AGBL1: variants seen among roughly 807,000 people sequenced by gnomAD.
AGBL1 encodes AGBL carboxypeptidase 1, also known as cytosolic carboxypeptidase 4.
In AGBL1, 130 loss-of-function variants were observed where a neutral mutation model predicts 118.9. That is an observed-to-expected ratio of 1.09 (90% CI 0.95 to 1.26). The LOEUF is 1.26. Ranked by LOEUF, AGBL1 falls within the 50% of genes most tolerant of loss-of-function variation. The pLI, the probability that AGBL1 is intolerant of heterozygous loss-of-function variation, is 0.00. For missense variants in AGBL1, 1,584 were observed against 1,298.1 expected (o/e 1.22, Z -3.38); for synonymous variants, 555 against 478.9 (o/e 1.16, Z -2.08).
chr15:86,210,124 A>T (rs925842351), intron 5 of AGBL1, among the ~76,000 whole-genome samples: 20 of 152,168 alleles, frequency 1.3e-4, no homozygotes, highest in Non-Finnish European at 2.6e-4. Flanking sequence ...CTTTTCTTTA[A>T]GAATGTTGAA....
chr15:86,407,298 G>A (rs1234400779), intron 18 of AGBL1, among the ~76,000 whole-genome samples: 2 of 152,180 alleles, frequency 1.3e-5, no homozygotes, highest in Non-Finnish European at 2.9e-5. Context: ...TGTCTAATAA[G>A]TTTCAGAGTC....
chr15:86,157,333 C>T (rs1349242108), intron 4 of AGBL1, among the ~76,000 whole-genome samples: 2 of 152,182 alleles, frequency 1.3e-5, no homozygotes, highest in Non-Finnish European at 2.9e-5. Flanking sequence ...TAAAGGACAA[C>T]TCTCATTAAT....
chr15:86,838,363 T>C (rs1050580418), intron 22 of AGBL1, among the ~76,000 whole-genome samples: 4 of 152,202 alleles, frequency 2.6e-5, no homozygotes, highest in African/African-American at 4.8e-5. Context: ...TTATTCTTTT[T>C]CATAGCCCTC....
intron 11 of AGBL1, among the ~76,000 whole-genome samples, chr15:86,266,154 C>T (rs1227297542): frequency 6.6e-6 from 1 of 152,218 alleles, no homozygotes. Flanking sequence ...CTACTTCCTA[C>T]ATTCCTACTT....
At chr15:86,635,379 C>A (rs2085066540) in intron 21 of AGBL1, among the ~76,000 whole-genome samples, 1 of 147,686 alleles carries the variant, frequency 6.8e-6, no homozygotes, top group South Asian at 2.2e-4. Flanking sequence ...TGCCCCTCCT[C>A]TTATTCCTCT....
chr15:86,633,115 AAG>A (rs2085003790), intron 21 of AGBL1, among the ~76,000 whole-genome samples: 1 of 148,654 alleles, frequency 6.7e-6, no homozygotes, highest in Admixed American at 6.6e-5. Flanking sequence ...AATAAAGACA[AAG>A]AAAGTATCTT....
intron 23 of AGBL1, among the ~76,000 whole-genome samples, chr15:86,950,264 A>G (rs1381233704): frequency 1.3e-5 from 2 of 151,696 alleles, no homozygotes; most frequent in Non-Finnish European, 2.9e-5. Flanking sequence ...AACCCCAAAT[A>G]AAGTTAAAAC....
chr15:86,996,669 TTC>T (rs1205101533), intron 24 of AGBL1, among the ~76,000 whole-genome samples: 2 of 152,168 alleles, frequency 1.3e-5, no homozygotes, highest in Admixed American at 1.3e-4. Context: ...TATTACATAT[TTC>T]TGTCATTTCA....
chr15:86,884,617 G>A (rs1362043463), intron 22 of AGBL1, among the ~76,000 whole-genome samples: 4 of 152,206 alleles, frequency 2.6e-5, no homozygotes, highest in African/African-American at 9.6e-5. Context: ...TTGGAGACCA[G>A]CCTGGACAAC....
chr15:86,158,440 C>G (rs977066946), intron 4 of AGBL1, among the ~76,000 whole-genome samples: 1 of 152,152 alleles, frequency 6.6e-6, no homozygotes, highest in African/African-American at 2.4e-5. Flanking sequence ...GAAAGACAGA[C>G]GAGAGTGTCT....
At chr15:86,109,990 C>T (rs953033072) in intron 1 of AGBL1, 8 of 152,072 alleles carry the variant, frequency 5.3e-5, no homozygotes, top group South Asian at 2.1e-4. Context: ...CAAAGCCACC[C>T]GAACAGGAAT....
At chr15:86,404,342 T>G (rs1253253409) in intron 18 of AGBL1, among the ~76,000 whole-genome samples, 1 of 152,206 alleles carries the variant, frequency 6.6e-6, no homozygotes, top group Non-Finnish European at 1.5e-5. Flanking sequence ...TGCCAGCTTT[T>G]GGCTGCAAAC....
intron 22 of AGBL1, among the ~76,000 whole-genome samples, chr15:86,843,180 A>C (rs977501689): frequency 1.3e-5 from 2 of 152,194 alleles, no homozygotes; most frequent in African/African-American, 4.8e-5. Context: ...ATCTGCATTT[A>C]CCACAGCCTG....
intron 23 of AGBL1, among the ~76,000 whole-genome samples, chr15:86,929,376 T>C (rs1201641031): frequency 6.6e-6 from 1 of 152,196 alleles, no homozygotes; most frequent in Non-Finnish European, 1.5e-5. Flanking sequence ...TTTAATACTC[T>C]TTCCTCAACC....
At position 86,256,807 on chromosome 15, in the gene AGBL1, A is replaced by G. The variant is rs775736333; in HGVS notation, c.736-46A>G. 5 of 1,599,782 alleles carry G rather than the reference A, an allele frequency of 3.1e-6. No individual in the cohort carries two copies. The Middle Eastern group carries it at 5.1e-4, about 162-fold the overall frequency. The stretch of plus-strand genomic sequence containing the variant: ...TTATTAGCTGTGTTACAGCTAGGGG[A>G]CTGTGCCCAGATGTTGGCATCTGAT... On this transcript the variant is annotated intron_variant, in intron 7 of 22. Coordinates refer to ENST00000614907, the MANE Select transcript of AGBL1 (RefSeq NM_001386094.1).
At chr15:86,593,771 T>C (rs1236074217) in intron 21 of AGBL1, among the ~76,000 whole-genome samples, 26 of 152,230 alleles carry the variant, frequency 1.7e-4, no homozygotes, top group Admixed American at 1.7e-3. Flanking sequence ...ATCCTTCATC[T>C]GTAGCTCTAG....
rs1286409860 is a variant in AGBL1 at position 86,988,016 on chromosome 15, A to G, written c.3251A>G (p.His1084Arg). Residue 1084 changes from histidine (H) to arginine (R), a missense_variant, in exon 24 of 25, where the codon CAT becomes CGT. Coordinates refer to the AGBL1 transcript ENST00000441037. ...AAATCATCCAATTTCCTGCCAAAGC[A>G]TATTTGGTTTGCTTACCACTTTTTT... The G allele has an allele frequency of 3.7e-6, 6 of 1,613,538 alleles. No homozygotes were observed. In the Admixed American group the frequency reaches 5.0e-5, roughly 13 times the overall value.
intron 5 of AGBL1, among the ~76,000 whole-genome samples, chr15:86,183,300 CAGTA>C (rs1244531495): frequency 2.6e-5 from 4 of 152,154 alleles, no homozygotes; most frequent in African/African-American, 9.7e-5. Flanking sequence ...TATGACATAT[CAGTA>C]AGTTTTTTAA....
intron 22 of AGBL1, among the ~76,000 whole-genome samples, chr15:86,876,719 C>T (rs2079815409): frequency 6.6e-6 from 1 of 152,192 alleles, no homozygotes; most frequent in Admixed American, 6.5e-5. Flanking sequence ...TACATGAACA[C>T]TGGGTATGGC....
Sources: allele counts gnomAD v4.1 joint callset (sites outside exome capture counted in the v4.1 genomes callset), GRCh38; gene constraint gnomAD v4.1.1; transcripts MANE v1.5; gene names NCBI Gene and HGNC (gene_info 2026-07-23, HGNC 2026-07-21).